Variants in IQGAP3 observed in about 807,000 individuals in gnomAD.
IQGAP3 encodes the protein IQ motif containing GTPase activating protein 3, also known as ras GTPase-activating-like protein IQGAP3.
IQGAP3 carries 165 observed loss-of-function variants against 208.2 expected under a neutral mutation model. The observed-to-expected ratio is 0.79, with a 90% CI of 0.70 to 0.90. The LOEUF (loss-of-function observed/expected upper bound fraction) is 0.90, where lower values mean the gene tolerates loss of function less well. IQGAP3 is among the 40% of genes least tolerant of loss of function. IQGAP3 has a pLI of 0.00. For synonymous variants in IQGAP3, 703 were observed against 803.6 expected, an observed-to-expected ratio of 0.87 and a Z score of 2.12; for missense variants, 1,811 against 2,043.1, an observed-to-expected ratio of 0.89 and a Z score of 2.19.
chr1:156,544,406 G>C lies in IQGAP3; in HGVS notation c.2371C>G (p.Leu791Val). 1 of 1,613,800 alleles carries C rather than the reference G, an allele frequency of 6.2e-7. No homozygotes were observed. The highest frequency in any genetic ancestry group is 2.2e-5 in the East Asian group (1 of 44,882). Residue 791 changes from leucine to valine, a missense_variant, in exon 20 of 38, where the codon CTG (leucine) becomes GTG (valine). Coordinates refer to ENST00000361170, the MANE Select transcript of IQGAP3 (RefSeq NM_178229.5). Reference protein sequence around the residue: ...LEWLQYFKANLDAIIKIQAWA... With the variant: ...LEWLQYFKANVDAIIKIQAWA... ...GTAGCTACCTTGATTATGGCATCCA[G>C]GTTTGCTTTAAAATACTGCAACCAC...
intron 10 of IQGAP3, 90 bp downstream of exon 10, chr1:156,561,748 A>G: frequency 3.1e-6 from 4 of 1,309,598 alleles, no homozygotes; most frequent in South Asian, 1.3e-5. Context: ...ACAGAATACA[A>G]AGGACCAACA....
At chr1:156,554,430 G>A (rs1291709863) in intron 12 of IQGAP3, 38 bp from the exon 13 acceptor site, 1 of 1,561,626 alleles carries the variant, frequency 6.4e-7, no homozygotes, top group Non-Finnish European at 8.6e-7. Flanking sequence ...AAGTGGGCAG[G>A]TGAAGGGTCT....
intron 4 of IQGAP3, 63 bp downstream of exon 4, chr1:156,565,964 G>T (rs1676380228): frequency 8.2e-7 from 1 of 1,222,766 alleles, no homozygotes; most frequent in Non-Finnish European, 1.2e-6. Context: ...GATAAAGCAT[G>T]GGATTGTGGG....
rs372380116 is a variant in IQGAP3, at chr1:156,561,927, C to T, written c.952G>A (p.Asp318Asn). The T allele has an allele frequency of 4.5e-5, 72 of 1,613,946 alleles. No homozygotes were observed. Among genetic ancestry groups the T allele is most frequent in the Non-Finnish European group, 3.7e-5 (44 of 1,180,008 alleles). The stretch of plus-strand genomic sequence containing the variant: ...ACCCCTCGCAGGGCCAGGGCAGGGT[C>T]TTGAAGGGCCTTGAGCAAGGCTTCA... The part of the protein sequence containing the change: ...SPEALLKALQ[D>N]PALALRGVRR... The change falls in exon 10 of 38, where the codon GAC (aspartate) becomes AAC (asparagine). Residue 318 changes from aspartate to asparagine, a missense_variant. Transcript: ENST00000361170.
Position 156,526,455 on chromosome 1 carries a change from A to C in IQGAP3, c.*31T>G. ...GTTAAAGAAAGCATCCAGAGAGGTAAGAGGGGCTTGGGTAGCACCCTTTGC... is the reference window on the plus strand; with the variant it reads ...GTTAAAGAAAGCATCCAGAGAGGTACGAGGGGCTTGGGTAGCACCCTTTGC... On this transcript the variant is annotated 3_prime_UTR_variant, in exon 38 of 38. Coordinates refer to ENST00000361170, the MANE Select transcript of IQGAP3 (RefSeq NM_178229.5). The C allele has an allele frequency of 7.3e-7, 1 of 1,376,504 alleles. No homozygotes were observed. The highest frequency in any genetic ancestry group is 1.2e-5 in the South Asian group (1 of 85,930). The allele number at this position is 1,376,504 out of a possible 1,614,324, so 85.3% of individuals were successfully genotyped here.
Position 156,551,758 on chromosome 1 carries a change from C to A in IQGAP3, c.1681G>T (p.Val561Phe), listed in dbSNP as rs1289983520. 1 of 1,613,876 alleles carries A rather than the reference C, an allele frequency of 6.2e-7. No homozygotes were observed. The highest frequency in any genetic ancestry group is 8.5e-7 in the Non-Finnish European group (1 of 1,180,012). ...AAGLDDVSLP[V>F]APRYHLLLVA... ...AGGAGGAGATGGTACCGAGGGGCGA[C>A]AGGGAGGCTGACATCATCTAGGCCA... is the stretch of plus-strand genomic sequence containing the variant. Residue 561 changes from valine (V) to phenylalanine (F), a missense_variant, in exon 15 of 38, where the codon GTC becomes TTC. Transcript: ENST00000361170.
At chr1:156,537,714 C>G (rs1674762334) in intron 26 of IQGAP3, among the ~76,000 whole-genome samples, 2 of 152,134 alleles carry the variant, frequency 1.3e-5, no homozygotes, top group African/African-American at 4.8e-5. Flanking sequence ...AGAGCAGCCA[C>G]CAGGATTGCC....
chr1:156,533,524 C>T (rs1018850038), intron 31 of IQGAP3, among the ~76,000 whole-genome samples: 4 of 152,190 alleles, frequency 2.6e-5, no homozygotes, highest in African/African-American at 7.2e-5. Context: ...GCCCTGATCC[C>T]TGTGCCTCTT....
At position 156,528,588 on chromosome 1, in the gene IQGAP3, GCTT is replaced by G. The variant is rs1166870888; in HGVS notation, c.4591_4593del (p.Lys1531del). The stretch of plus-strand genomic sequence containing the variant: ...GCAGCAGTGTAATGAAGAGAAGGCT[GCTT>G]CTTCCCCTTCCCAGAACTCCTGATT... On this transcript the variant is annotated inframe_deletion, in exon 36 of 38. Transcript: ENST00000361170. The G allele has an allele frequency of 6.2e-7, 1 of 1,613,614 alleles. No individual in the cohort carries two copies. Among genetic ancestry groups the G allele is most frequent in the East Asian group, 2.2e-5 (1 of 44,864 alleles).
Position 156,529,072 on chromosome 1 carries a change from T to C in IQGAP3, c.4415A>G (p.Asn1472Ser), listed in dbSNP as rs1339815305. The change falls in exon 35 of 38, where the codon AAC becomes AGC. Residue 1472 changes from asparagine (N) to serine (S), a missense_variant. By Grantham distance (46) the Asn-to-Ser change is conservative (BLOSUM62 1). Coordinates refer to ENST00000361170, the MANE Select transcript of IQGAP3 (RefSeq NM_178229.5). Reference protein sequence around the residue: ...LVDELAKDIRNQHRHRHRRKA... With the variant: ...LVDELAKDIRSQHRHRHRRKA... Reference sequence around the variant, plus strand: ...CCGCCTGTGCCTGTGTCTGTGCTGGTTGCGGATGTCCTGGGGTTGGGGAAC... The same window carrying C: ...CCGCCTGTGCCTGTGTCTGTGCTGGCTGCGGATGTCCTGGGGTTGGGGAAC... 6.2e-7 allele frequency: 1 copy of C among 1,614,084 alleles called. No individual in the cohort carries two copies. The highest frequency in any genetic ancestry group is 8.5e-7 in the Non-Finnish European group (1 of 1,179,954).
At chr1:156,539,664 CT>C in intron 24 of IQGAP3, 127 bp from the exon 25 acceptor site, 1 of 1,205,750 alleles carries the variant, frequency 8.3e-7, no homozygotes, top group Middle Eastern at 2.1e-4. Context: ...TCTCCAGGTG[CT>C]AGTAACATTC....
intron 5 of IQGAP3, 47 bp from the exon 6 acceptor site, chr1:156,563,871 T>C (rs1231346861): frequency 6.6e-7 from 1 of 1,518,628 alleles, no homozygotes; most frequent in African/African-American, 1.4e-5. Flanking sequence ...CCTATTCATT[T>C]TGACACTCTG....
intron 23 of IQGAP3, 131 bp from the exon 24 acceptor site, chr1:156,540,121 C>G (rs1325471196): frequency 9.9e-7 from 1 of 1,008,304 alleles, no homozygotes; most frequent in Non-Finnish European, 1.5e-6. Context: ...AGCTGGGGGA[C>G]AGAAGCAGTT....
chr1:156,534,835 C>T (rs572490845), intron 28 of IQGAP3, 102 bp from the exon 29 acceptor site: 2 of 868,486 alleles, frequency 2.3e-6, no homozygotes, highest in South Asian at 1.9e-5. Context: ...CCTGGGCCAA[C>T]CCCCTCACTT....
chr1:156,555,269 A>G (rs11264497), intron 12 of IQGAP3, among the ~76,000 whole-genome samples: 150,818 of 152,270 alleles, frequency 0.99, 74,706 homozygotes, highest in Middle Eastern at 1. Flanking sequence ...ATAGAGTCTC[A>G]CTCTGTGGCC....
rs1201966048 is a variant in IQGAP3, at chr1:156,550,346, T to C, written c.1740A>G (p.Thr580=). 1 of 1,613,124 alleles carries C rather than the reference T, an allele frequency of 6.2e-7. No individual in the cohort carries two copies. The highest frequency in any genetic ancestry group is 8.5e-7 in the Non-Finnish European group (1 of 1,179,298). The part of the protein sequence containing the change: ...VAAKRQKAQV[T]GDPGAVLWLE... ...GCCACAGCACAGCTCCAGGATCCCC[T>C]GTCACCTGGCAGATTGAGGGAGAAA... The change falls in exon 16 of 38, where the codon ACA becomes ACG. Residue 580 remains threonine (T), a synonymous_variant. Transcript: ENST00000361170.
intron 1 of IQGAP3, among the ~76,000 whole-genome samples, chr1:156,571,613 G>A (rs1167013905): frequency 4.6e-5 from 7 of 152,342 alleles, no homozygotes; most frequent in Admixed American, 3.3e-4. Context: ...CATCATCTCA[G>A]AGTTATGAAC....
chr1:156,561,833 C>A lies in IQGAP3; in HGVS notation c.1041+5G>T, dbSNP rs867252984. The A allele has an allele frequency of 3.1e-6, 5 of 1,613,636 alleles. No homozygotes were observed. Among genetic ancestry groups the A allele is most frequent in the Non-Finnish European group, 3.4e-6 (4 of 1,179,792 alleles). On this transcript the variant is annotated splice_donor_5th_base_variant and intron_variant, in intron 10 of 37. Transcript: ENST00000361170. ...GGGGGTGGCAGGTAATAGACAGAGG[C>A]TAACCTGTGCCTTCTGCTCTCTGTC...
chr1:156,556,816 A>T, intron 11 of IQGAP3, 123 bp from the exon 12 acceptor site: 1 of 901,040 alleles, frequency 1.1e-6, no homozygotes, highest in Non-Finnish European at 1.6e-6. Context: ...TGCTCTCAAA[A>T]ATCTGCTAGG....
Sources: allele counts gnomAD v4.1 joint callset (sites outside exome capture counted in the v4.1 genomes callset), GRCh38; gene constraint gnomAD v4.1.1; transcripts MANE v1.5; gene names NCBI Gene and HGNC (gene_info 2026-07-23, HGNC 2026-07-21).